The following CTCF variants were observed in gnomAD, a reference collection of about 807,000 sequenced individuals.
CTCF encodes the protein transcriptional repressor CTCF.
Under a neutral mutation model 72.3 loss-of-function variants are expected in CTCF, and 7 were observed. That is an observed-to-expected ratio of 0.10 (90% CI 0.06 to 0.18). CTCF has a LOEUF of 0.18. Among genes scored for constraint, CTCF ranks in the 10% least tolerant of loss-of-function variants. The pLI is 1.00. For synonymous variants in CTCF, 374 were observed against 315.8 expected, an observed-to-expected ratio of 1.18 and a Z score of -1.95; for missense variants, 516 against 949.1, an observed-to-expected ratio of 0.54 and a Z score of 6.00.
At chr16:67,562,953 C>T (rs960700691) in intron 1 of CTCF, among the ~76,000 whole-genome samples, 4 of 144,784 alleles carry the variant, frequency 2.8e-5, no homozygotes, top group African/African-American at 7.5e-5. Context: ...GCTAGGCCTC[C>T]CTCCTGGCAG....
Position 67,636,814 on chromosome 16 carries a change from A to C in CTCF, c.1962A>C (p.Arg654=), listed in dbSNP as rs772451262. Residue 654 remains arginine (R), a synonymous_variant, in exon 11 of 12, where the codon CGA becomes CGC. Transcript: ENST00000264010. The part of the protein sequence containing the change: ...APPPAKKRRG[R]PPGRTNQPKQ... ...CACCCGCCAAGAAGCGGAGAGGACG[A>C]CCCCCTGGCAGAACCAACCAGCCCA... is the stretch of plus-strand genomic sequence containing the variant. The C allele has an allele frequency of 1.3e-6, 2 of 1,597,074 alleles. No homozygotes were observed. The highest frequency in any genetic ancestry group is 1.7e-5 in the Admixed American group (1 of 58,018).
At chr16:67,606,053 C>T (rs1377043444) in intron 2 of CTCF, among the ~76,000 whole-genome samples, 1 of 152,180 alleles carries the variant, frequency 6.6e-6, no homozygotes, top group Admixed American at 6.6e-5. Flanking sequence ...ATCTTTACTT[C>T]TCTGCCCAGA....
At chr16:67,617,246 T>C (rs1198186925) in intron 5 of CTCF, among the ~76,000 whole-genome samples, 1 of 152,072 alleles carries the variant, frequency 6.6e-6, no homozygotes, top group African/African-American at 2.4e-5. Context: ...CAGCCTATAA[T>C]CCCAGCAGTT....
At chr16:67,595,576 C>T (rs2051800664) in intron 2 of CTCF, among the ~76,000 whole-genome samples, 1 of 152,132 alleles carries the variant, frequency 6.6e-6, no homozygotes, top group Non-Finnish European at 1.5e-5. Flanking sequence ...TATAAGGATA[C>T]AGAGGATGGC....
intron 4 of CTCF, chr16:67,612,390 A>G: frequency 4.2e-6 from 1 of 235,446 alleles, no homozygotes; most frequent in Non-Finnish European, 8.2e-6. Flanking sequence ...GAATGTTAGA[A>G]ATAGAAGTGA....
chr16:67,603,773 T>C (rs536339791), intron 2 of CTCF, among the ~76,000 whole-genome samples: 9 of 145,328 alleles, frequency 6.2e-5, no homozygotes, highest in African/African-American at 2.3e-4. Context: ...TGCAGTGAGC[T>C]GAGATCGCGC....
At chr16:67,623,660 A>T (rs532782802) in intron 7 of CTCF, among the ~76,000 whole-genome samples, 6 of 151,404 alleles carry the variant, frequency 4.0e-5, no homozygotes, top group Admixed American at 2.6e-4. Flanking sequence ...TTAGCCAGAC[A>T]CAGTGGCTCA....
At chr16:67,635,071 G>GAGT (rs1173721560) in intron 10 of CTCF, among the ~76,000 whole-genome samples, 1 of 151,902 alleles carries the variant, frequency 6.6e-6, no homozygotes, top group East Asian at 1.9e-4. Flanking sequence ...TGCCAGGCTG[G>GAGT]AGTGCAGTGG....
chr16:67,588,007 A>G (rs1597692831), intron 2 of CTCF, among the ~76,000 whole-genome samples: 2 of 152,048 alleles, frequency 1.3e-5, no homozygotes, highest in South Asian at 4.2e-4. Context: ...TCAGGCGCCC[A>G]CCACCACGCC....
At chr16:67,601,475 A>C (rs1352434559) in intron 2 of CTCF, among the ~76,000 whole-genome samples, 1 of 151,640 alleles carries the variant, frequency 6.6e-6, no homozygotes, top group Non-Finnish European at 1.5e-5. Flanking sequence ...AGTAGCTGGG[A>C]CTACAGGCGC....
chr16:67,611,534 G>A lies in CTCF; in HGVS notation c.702G>A (p.Glu234=), dbSNP rs373979002. Residue 234 remains glutamate, a synonymous_variant, in exon 3 of 12, where the codon GAG becomes GAA. Coordinates refer to ENST00000264010, the MANE Select transcript of CTCF (RefSeq NM_006565.4). ...ACGATTTTGAGGAAGAACAGCAGGA[G>A]GGTCTGCTATCAGAGGTTAATGCAG... ...SVYDFEEEQQ[E]GLLSEVNAEK... is the part of the protein sequence containing the mutation. 9 of 1,613,874 alleles carry A rather than the reference G, an allele frequency of 5.6e-6. No individual in the cohort carries two copies. Among genetic ancestry groups the A allele is most frequent in the African/African-American group, 1.3e-5 (1 of 74,938 alleles).
In CTCF at chr16:67,629,328, A is replaced by G. The variant is rs775500391; in HGVS notation, c.1702-70A>G. On this transcript the variant is annotated intron_variant, in intron 9 of 11. Transcript: ENST00000264010. ...TTTAGGCTTAATATGGATTTTATTA[A>G]AGTAAATAACTTCCAATCTGATCTT... 9.4e-5 allele frequency: 137 copies of G among 1,450,456 alleles called. No homozygotes were observed. In the East Asian group the frequency reaches 1.5e-3, roughly 16 times the overall value. 89.8% of individuals were successfully genotyped at this position (1,450,456 alleles called of 1,614,324 possible).
intron 2 of CTCF, among the ~76,000 whole-genome samples, chr16:67,608,323 CA>C (rs1045162944): frequency 1.1e-4 from 13 of 117,420 alleles, no homozygotes; most frequent in Admixed American, 4.5e-4. Context: ...GACTCCGTCT[CA>C]AAAAAAAAAT....
intron 7 of CTCF, among the ~76,000 whole-genome samples, chr16:67,626,330 G>A (rs2052286869): frequency 6.6e-6 from 1 of 151,750 alleles, no homozygotes; most frequent in Non-Finnish European, 1.5e-5. Context: ...GCGGGCGCCT[G>A]TAGTCCCAGC....
chr16:67,629,364 G>A (rs777685250), intron 9 of CTCF, 34 bp from the exon 10 acceptor site: 3 of 1,569,064 alleles, frequency 1.9e-6, no homozygotes, highest in Non-Finnish European at 2.6e-6. Context: ...AGCTTTTTTA[G>A]TGGTGTGAAA....
intron 2 of CTCF, among the ~76,000 whole-genome samples, chr16:67,593,036 A>AT (rs1555532408): frequency 1.3e-5 from 2 of 149,540 alleles, no homozygotes; most frequent in African/African-American, 2.4e-5. Flanking sequence ...GAAAAAAAAA[A>AT]TTTATATATA....
chr16:67,565,305 AC>A (rs1403788984), intron 1 of CTCF, among the ~76,000 whole-genome samples: 1 of 149,390 alleles, frequency 6.7e-6, no homozygotes, highest in Non-Finnish European at 1.5e-5. Flanking sequence ...CCAGGCCAGG[AC>A]CTGTTATTTA....
In CTCF at chr16:67,638,029, A is replaced by T. The variant is rs1007934914; in HGVS notation, c.*157A>T. 3.0e-6 allele frequency: 2 copies of T among 655,988 alleles called. No homozygotes were observed. Among genetic ancestry groups the T allele is most frequent in the African/African-American group, 3.6e-5 (2 of 55,108 alleles). 40.6% of individuals were successfully genotyped at this position (655,988 alleles called of 1,614,324 possible). A position where few individuals can be genotyped will look rare whatever the true frequency, so the allele number is the denominator to read the frequency against. The stretch of plus-strand genomic sequence containing the variant: ...ACTTCAAGGATGATGTTAGAAAAAA[A>T]TGTGATTTAACTAGAACTTGCTGTC... On this transcript the variant is annotated 3_prime_UTR_variant, in exon 12 of 12. Transcript: ENST00000264010.
intron 2 of CTCF, among the ~76,000 whole-genome samples, chr16:67,574,346 T>G (rs1368393106): frequency 6.6e-6 from 1 of 152,036 alleles, no homozygotes; most frequent in Non-Finnish European, 1.5e-5. Flanking sequence ...GAGGACTACT[T>G]TATTTATTTA....
Sources: allele counts gnomAD v4.1 joint callset (sites outside exome capture counted in the v4.1 genomes callset), GRCh38; gene constraint gnomAD v4.1.1; transcripts MANE v1.5; gene names NCBI Gene and HGNC (gene_info 2026-07-23, HGNC 2026-07-21).